Variants in VWA7 observed in about 807,000 individuals in gnomAD.
The protein encoded by VWA7 is von Willebrand factor A domain containing 7, also known as von Willebrand factor A domain-containing protein 7.
In VWA7, 66 loss-of-function variants were observed where a neutral mutation model predicts 83.1. The ratio of observed to expected loss-of-function variants is 0.79; its 90% CI spans 0.65 to 0.98. The LOEUF is 0.98. VWA7 is among the 50% of genes least tolerant of loss of function. The pLI is 0.00. For missense variants in VWA7, 1,080 were observed against 1,160.2 expected (o/e 0.93, Z 1.00); for synonymous variants, 424 against 488.5 (o/e 0.87, Z 1.74).
chr6:31,768,068 A>C (rs1811796086), intron 10 of VWA7, among the ~76,000 whole-genome samples: 1 of 148,072 alleles, frequency 6.8e-6, no homozygotes, highest in South Asian at 2.2e-4. Context: ...TGAACCCAAC[A>C]GGCAGAGGCT....
chr6:31,765,945 C>T lies in VWA7; in HGVS notation c.2437G>A (p.Ala813Thr), dbSNP rs145784901. 188 of 1,612,992 alleles carry T rather than the reference C, an allele frequency of 1.2e-4. No homozygotes were observed. Among genetic ancestry groups the T allele is most frequent in the Non-Finnish European group, 1.6e-4 (184 of 1,180,046 alleles). The change falls in exon 16 of 17, where the codon GCC becomes ACC. Residue 813 changes from alanine (A) to threonine (T), a missense_variant. By Grantham distance (58) the Ala-to-Thr change is moderately conservative. Transcript: ENST00000375688. Reference protein sequence around the residue: ...MVTVTAGGREANPVPPTHAFL... With the variant: ...MVTVTAGGRETNPVPPTHAFL... ...GCATGAGTCGGGGGTACTGGGTTGG[C>T]TTCTCGTCCCCCTGCAGTCACAGTC...
Position 31,773,174 on chromosome 6 carries a change from C to T in VWA7, c.918-51G>A, listed in dbSNP as rs564010975. ...GAAGGGCCTGCACGTTTGTCCCCAGCGCCTGGTTTCTCCCTTCCCGCAGGA... is the reference window on the plus strand; with the variant it reads ...GAAGGGCCTGCACGTTTGTCCCCAGTGCCTGGTTTCTCCCTTCCCGCAGGA... On this transcript the variant is annotated intron_variant, in intron 6 of 16. Transcript: ENST00000375688. This position sits in a 1 kb window ranked among gnomAD's most constrained non-coding sequence, Gnocchi z 5.3. 9.4e-6 allele frequency: 15 copies of T among 1,593,488 alleles called. No individual in the cohort carries two copies. Among genetic ancestry groups the T allele is most frequent in the African/African-American group, 4.0e-5 (3 of 74,620 alleles).
At position 31,776,273 on chromosome 6, in the gene VWA7, G is replaced by A. The variant is rs1161462418; in HGVS notation, c.235-31C>T. The stretch of plus-strand genomic sequence containing the variant: ...GAGAATAGCGGGCGACGGGGCTCCA[G>A]GGAGGCCCTTTGGATTGACTGTTGC... On this transcript the variant is annotated intron_variant, in intron 2 of 16. Transcript: ENST00000375688. The surrounding 1 kb of genome is among the most constrained non-coding windows in gnomAD (Gnocchi z 6.2). 6.3e-7 allele frequency: 1 copy of A among 1,597,300 alleles called. No homozygotes were observed. Among genetic ancestry groups the A allele is most frequent in the Non-Finnish European group, 8.5e-7 (1 of 1,170,776 alleles).
rs751784699 is a variant in VWA7, at chr6:31,766,499, G to A, written c.2148C>T (p.Ala716=). The A allele has an allele frequency of 3.4e-5, 54 of 1,604,504 alleles. No individual in the cohort carries two copies. Among genetic ancestry groups the A allele is most frequent in the Non-Finnish European group, 4.2e-5 (49 of 1,174,812 alleles). Residue 716 remains alanine (A), a synonymous_variant, in exon 14 of 17, where the codon GCC becomes GCT. Coordinates refer to ENST00000375688, the MANE Select transcript of VWA7 (RefSeq NM_025258.3). The surrounding 1 kb of genome is among the most constrained non-coding windows in gnomAD (Gnocchi z 4.9). ...CAGGGACTACAGTGCTAGGCTGAGG[G>A]GCAGCCCTGTGCAGGCGCCGCCCCG... ...DAAGRRLHRA[A]PQPSTVVPVL...
chr6:31,774,559 G>T lies in VWA7; in HGVS notation c.678C>A (p.Leu226=). Reference sequence around the variant, plus strand: ...GAGTTCCAAAGTAGCCAGAGGTGAGGAGTGTGAAGCCCAGCCAATTCCTGG... The same window carrying T: ...GAGTTCCAAAGTAGCCAGAGGTGAGTAGTGTGAAGCCCAGCCAATTCCTGG... The part of the protein sequence containing the change: ...SCPRNWLGFT[L]LTSGYFGTHP... Residue 226 remains leucine, a synonymous_variant, in exon 5 of 17, where the codon CTC becomes CTA. Coordinates refer to ENST00000375688, the MANE Select transcript of VWA7 (RefSeq NM_025258.3). 6.2e-7 allele frequency: 1 copy of T among 1,612,914 alleles called. No homozygotes were observed.
Position 31,770,060 on chromosome 6 carries a change from T to A in VWA7, c.1141A>T (p.Asn381Tyr). 1 of 1,612,918 alleles carries A rather than the reference T, an allele frequency of 6.2e-7. No homozygotes were observed. The highest frequency in any genetic ancestry group is 8.5e-7 in the Non-Finnish European group (1 of 1,179,998). ...SDPDSFWQQL[N>Y]EIHALGGGDE... The stretch of plus-strand genomic sequence containing the variant: ...CCACCCCCCAAGGCATGGATCTCAT[T>A]AAGCTGTTGCCAGAAGCTGTCAGGG... Residue 381 changes from asparagine to tyrosine, a missense_variant, in exon 8 of 17, where the codon AAT becomes TAT. Transcript: ENST00000375688.
Position 31,766,110 on chromosome 6 carries a change from G to C in VWA7, c.2325-53C>G, listed in dbSNP as rs1811534305. The C allele has an allele frequency of 6.2e-7, 1 of 1,604,252 alleles. No homozygotes were observed. The highest frequency in any genetic ancestry group is 1.1e-5 in the South Asian group (1 of 90,810). On this transcript the variant is annotated intron_variant, in intron 15 of 16. Coordinates refer to ENST00000375688, the MANE Select transcript of VWA7 (RefSeq NM_025258.3). This position sits in a 1 kb window ranked among gnomAD's most constrained non-coding sequence, Gnocchi z 4.9. ...AGCTCCAGGCTGCCCAGAGCCTAGAGTCGGGACGCCTGCAGGGGCACGGGA... is the reference window on the plus strand; with the variant it reads ...AGCTCCAGGCTGCCCAGAGCCTAGACTCGGGACGCCTGCAGGGGCACGGGA...
Position 31,776,086 on chromosome 6 carries a change from C to G in VWA7, c.391G>C (p.Glu131Gln). ...RNDPDLHFDA[E>Q]RLGQGRARLV... Reference sequence around the variant, plus strand: ...CGCGCGCGTCCCTGACCCAGTCGCTCAGCATCAAAGTGCAGGTCGGGGTCA... The same window carrying G: ...CGCGCGCGTCCCTGACCCAGTCGCTGAGCATCAAAGTGCAGGTCGGGGTCA... Residue 131 changes from glutamate (E) to glutamine (Q), a missense_variant, in exon 3 of 17, where the codon GAG (glutamate) becomes CAG (glutamine). Glu to Gln is a conservative substitution (Grantham distance 29). Transcript: ENST00000375688. This position sits in a 1 kb window ranked among gnomAD's most constrained non-coding sequence, Gnocchi z 6.2. The G allele has an allele frequency of 6.2e-7, 1 of 1,613,992 alleles. No homozygotes were observed. Among genetic ancestry groups the G allele is most frequent in the Non-Finnish European group, 8.5e-7 (1 of 1,180,030 alleles).
chr6:31,774,714 C>T, intron 4 of VWA7, 88 bp from the exon 5 acceptor site: 1 of 1,137,440 alleles, frequency 8.8e-7, no homozygotes, highest in Non-Finnish European at 1.2e-6. Context: ...GCTTCTCCTC[C>T]CAGCTGGGAT....
rs536885510 is a variant in VWA7 at position 31,773,028 on chromosome 6, C to T, written c.1013G>A (p.Arg338His). ...EEINAAKIQARHLVEQRRGSP... is the reference protein window; with the variant it reads ...EEINAAKIQAHHLVEQRRGSP... ...GCCTCTCCGCTGCTCCACAAGGTGG[C>T]GAGCCTGGATTTTGGCAGCGTTGAT... Residue 338 changes from arginine (R) to histidine (H), a missense_variant, in exon 7 of 17, where the codon CGC becomes CAC. Physicochemically the swap from Arg to His is conservative, Grantham distance 29. Transcript: ENST00000375688. This position sits in a 1 kb window ranked among gnomAD's most constrained non-coding sequence, Gnocchi z 5.3. 82 of 1,612,108 alleles carry T rather than the reference C, an allele frequency of 5.1e-5. No individual in the cohort carries two copies. Among genetic ancestry groups the T allele is most frequent in the African/African-American group, 4.9e-4 (37 of 75,012 alleles).
chr6:31,775,991 G>A lies in VWA7; in HGVS notation c.486C>T (p.Arg162=). The A allele has an allele frequency of 6.2e-7, 1 of 1,611,996 alleles. No homozygotes were observed. The highest frequency in any genetic ancestry group is 8.5e-7 in the Non-Finnish European group (1 of 1,179,522). ...GCAGGGCATGAAGTGCAGCCCCGAG[G>A]CGCTGGCGAGCCAGGGTGTGGTCAA... The part of the protein sequence containing the change: ...RALDHTLARQ[R]LGAALHALQD... The change falls in exon 3 of 17, where the codon CGC becomes CGT. Residue 162 remains arginine (R), a synonymous_variant. Coordinates refer to ENST00000375688, the MANE Select transcript of VWA7 (RefSeq NM_025258.3). The surrounding 1 kb of genome is among the most constrained non-coding windows in gnomAD (Gnocchi z 5.9).
rs185402577 is a variant in VWA7, at chr6:31,776,248, G to A, written c.235-6C>T. The A allele has an allele frequency of 4.8e-5, 78 of 1,609,214 alleles. No individual in the cohort carries two copies. The Admixed American group carries it at 7.2e-4, about 15-fold the overall frequency. On this transcript the variant is annotated splice_polypyrimidine_tract_variant and splice_region_variant and intron_variant, in intron 2 of 16. Transcript: ENST00000375688. The surrounding 1 kb of genome is among the most constrained non-coding windows in gnomAD (Gnocchi z 6.2). ...TCAGCAAGGAGTGTTCGACCCTGGGGAGAATAGCGGGCGACGGGGCTCCAG... is the reference window on the plus strand; with the variant it reads ...TCAGCAAGGAGTGTTCGACCCTGGGAAGAATAGCGGGCGACGGGGCTCCAG...
chr6:31,769,882 C>T lies in VWA7; in HGVS notation c.1201-91G>A, dbSNP rs577744810. 5.4e-6 allele frequency: 8 copies of T among 1,491,022 alleles called. No homozygotes were observed. Among genetic ancestry groups the T allele is most frequent in the South Asian group, 3.4e-5 (3 of 87,770 alleles). The allele number at this position is 1,491,022 out of a possible 1,614,324, so 92.4% of individuals were successfully genotyped here. A position where few individuals can be genotyped will look rare whatever the true frequency, so the allele number is the denominator to read the frequency against. ...GGATGAAGCAGAAGGGAATATGGCC[C>T]GGGAACCCTACAGTGAAGCTAGTGG... is the stretch of plus-strand genomic sequence containing the variant. On this transcript the variant is annotated intron_variant, in intron 8 of 16. Coordinates refer to ENST00000375688, the MANE Select transcript of VWA7 (RefSeq NM_025258.3). The surrounding 1 kb of genome is among the most constrained non-coding windows in gnomAD (Gnocchi z 4.5).
At chr6:31,774,654 C>T in intron 4 of VWA7, 28 bp from the exon 5 acceptor site, 1 of 1,583,646 alleles carries the variant, frequency 6.3e-7, no homozygotes, top group Non-Finnish European at 8.6e-7. Flanking sequence ...GGCTAGAACC[C>T]AAGATTCTGC....
At chr6:31,768,904 C>T in intron 10 of VWA7, 114 bp downstream of exon 10, 2 of 1,201,818 alleles carry the variant, frequency 1.7e-6, no homozygotes, top group Non-Finnish European at 2.2e-6. Context: ...CTTTCCTGCC[C>T]CGTGACTGGA....
At chr6:31,770,146 G>C in intron 7 of VWA7, 33 bp from the exon 8 acceptor site, 1 of 1,578,158 alleles carries the variant, frequency 6.3e-7, no homozygotes, top group Non-Finnish European at 8.7e-7. Context: ...AGATAAGTGA[G>C]GAAAGAGCTC....
At chr6:31,771,501 T>G (rs1264204486) in intron 7 of VWA7, 1 of 152,148 alleles carries the variant, frequency 6.6e-6, no homozygotes. Context: ...TGATACCCAT[T>G]TTACAGATGA....
chr6:31,769,246 C>T lies in VWA7; in HGVS notation c.1318-43G>A, dbSNP rs1437881659. 1.9e-6 allele frequency: 3 copies of T among 1,585,058 alleles called. No individual in the cohort carries two copies. Among genetic ancestry groups the T allele is most frequent in the African/African-American group, 1.3e-5 (1 of 74,440 alleles). On this transcript the variant is annotated intron_variant, in intron 9 of 16. Coordinates refer to ENST00000375688, the MANE Select transcript of VWA7 (RefSeq NM_025258.3). This position sits in a 1 kb window ranked among gnomAD's most constrained non-coding sequence, Gnocchi z 4.5. ...CTCAGTGATTGGGGTGTCCAAGTGCCATCCACTATTATGAATGAGAATCCC... is the reference window on the plus strand; with the variant it reads ...CTCAGTGATTGGGGTGTCCAAGTGCTATCCACTATTATGAATGAGAATCCC...
rs149469601 is a variant in VWA7, at chr6:31,769,172, C to T, written c.1349G>A (p.Arg450Lys). 2.0e-5 allele frequency: 32 copies of T among 1,612,782 alleles called. No individual in the cohort carries two copies. In the African/African-American group the frequency reaches 4.1e-4, roughly 21 times the overall value. ...VTFLVTEDTS[R>K]VQGRARREIL... ...CTCACGCCGAGCTCGACCCTGAACC[C>T]TTGATGTATCTTCAGTCACCAGGAA... is the stretch of plus-strand genomic sequence containing the variant. Residue 450 changes from arginine to lysine, a missense_variant, in exon 10 of 17, where the codon AGG becomes AAG. Physicochemically the swap from Arg to Lys is conservative, Grantham distance 26 (BLOSUM62 2). Transcript: ENST00000375688. This position sits in a 1 kb window ranked among gnomAD's most constrained non-coding sequence, Gnocchi z 4.5.
Sources: gnomAD v4.1 joint callset for allele counts (sites outside exome capture counted in the v4.1 genomes callset) on GRCh38, gnomAD v4.1.1 for gene constraint, Gnocchi (gnomAD v3.1) non-coding constraint, MANE v1.5 for transcripts, NCBI Gene and HGNC (gene_info 2026-07-23, HGNC 2026-07-21) for gene names.